Variants in CELF2 observed in about 807,000 individuals in gnomAD.
CELF2 encodes the protein CUG triplet repeat RNA-binding protein 2.
CELF2 carries 8 observed loss-of-function variants against 62.6 expected under a neutral mutation model. The observed-to-expected ratio is 0.13, with a 90% confidence interval of 0.07 to 0.23. The LOEUF (loss-of-function observed/expected upper bound fraction) is 0.23. Ranked by LOEUF, CELF2 falls within the 10% of genes least tolerant of loss-of-function variation. The probability of loss-of-function intolerance (pLI) is 1.00; values close to 1 mark genes in which losing one functional copy is unlikely to be tolerated. For missense variants in CELF2, 333 were observed against 671.0 expected (o/e 0.50, Z 5.56); for synonymous variants, 258 against 250.0 (o/e 1.03, Z -0.30).
chr10:10,768,565 C>A, the CELF2 span, among the ~76,000 whole-genome samples: 1 of 143,706 alleles, frequency 7.0e-6, no homozygotes, highest in African/African-American at 2.5e-5. Context: ...TTCTTTCTTT[C>A]TTTTTCTTTT....
the CELF2 span, among the ~76,000 whole-genome samples, chr10:10,693,663 C>T: frequency 2.6e-5 from 4 of 151,574 alleles, no homozygotes; most frequent in South Asian, 8.4e-4. Flanking sequence ...GGTTGGTAAG[C>T]TATTGATTAT....
At chr10:10,775,353 A>G in the CELF2 span, among the ~76,000 whole-genome samples, 1 of 152,072 alleles carries the variant, frequency 6.6e-6, no homozygotes, top group Non-Finnish European at 1.5e-5. Flanking sequence ...GATGGAGGCC[A>G]GGTGCGGTGG....
rs997621233 is a variant in CELF2 at position 10,928,581 on chromosome 10, T to C, written c.89+8582T>C. On this transcript the variant is annotated intron_variant, in intron 2 of 13. Transcript: ENST00000636488. The surrounding 1 kb of genome is among the most constrained non-coding windows in gnomAD (Gnocchi z 4.8). ...CTACAACATCACAGTTGAGTAGCTG[T>C]GGCAGAGACGGTATAGCCCCCAAAC... Among the ~76,000 whole-genome samples the C allele has an allele frequency of 2.0e-5, 3 of 152,212 alleles. No individual in the cohort carries two copies. Among genetic ancestry groups the C allele is most frequent in the African/African-American group, 7.2e-5 (3 of 41,452 alleles).
chr10:11,241,056 T>C (rs890975903), intron 3 of CELF2, among the ~76,000 whole-genome samples: 1 of 152,122 alleles, frequency 6.6e-6, no homozygotes, highest in Non-Finnish European at 1.5e-5. Context: ...CAAAATTCAG[T>C]TAATGACCAT....
At chr10:10,754,061 GTTTTTTT>G in the CELF2 span, among the ~76,000 whole-genome samples, 1 of 85,056 alleles carries the variant, frequency 1.2e-5, no homozygotes, top group Non-Finnish European at 2.2e-5. Flanking sequence ...TGCTGAGGTG[GTTTTTTT>G]TTTTTTTTTT....
At chr10:10,497,168 G>C in the CELF2 span, among the ~76,000 whole-genome samples, 2 of 143,568 alleles carry the variant, frequency 1.4e-5, no homozygotes, top group Admixed American at 7.3e-5. Context: ...TTGGGCGACA[G>C]AGCAACTGAA....
chr10:11,005,052 G>T, upstream of CELF2: 5 of 985,308 alleles, frequency 5.1e-6, no homozygotes, highest in Non-Finnish European at 6.0e-6. The surrounding 1 kb of genome is among the most constrained non-coding windows in gnomAD (Gnocchi z 4.3). Flanking sequence ...TTTAAAGATG[G>T]TAATTAGGAG....
chr10:11,055,356 C>T (rs1329423359), intron 1 of CELF2, among the ~76,000 whole-genome samples: 1 of 152,194 alleles, frequency 6.6e-6, no homozygotes, highest in Non-Finnish European at 1.5e-5. Flanking sequence ...ATCTGCATTT[C>T]ATGAACAGGA....
At chr10:10,949,280 C>T (rs758801922) in intron 2 of CELF2, among the ~76,000 whole-genome samples, 17 of 152,036 alleles carry the variant, frequency 1.1e-4, no homozygotes, top group Admixed American at 9.2e-4. Flanking sequence ...CTGCACTTTC[C>T]GGAGCAACGT....
intron 2 of CELF2, among the ~76,000 whole-genome samples, chr10:10,932,803 G>A (rs1200138237): frequency 2.0e-5 from 3 of 152,110 alleles, no homozygotes; most frequent in African/African-American, 4.8e-5. Flanking sequence ...AATATCATTG[G>A]AGGGAATATC....
At chr10:10,732,739 G>T in the CELF2 span, among the ~76,000 whole-genome samples, 9 of 152,064 alleles carry the variant, frequency 5.9e-5, no homozygotes, top group African/African-American at 2.2e-4. Context: ...GGCCAGGCTG[G>T]TCTTGAACTC....
chr10:11,147,637 C>G (rs886902142), intron 1 of CELF2, among the ~76,000 whole-genome samples: 2 of 152,142 alleles, frequency 1.3e-5, no homozygotes, highest in Non-Finnish European at 2.9e-5. Flanking sequence ...TTTGGTTCAG[C>G]GTTTCATAAT....
intron 4 of CELF2, among the ~76,000 whole-genome samples, chr10:11,256,665 TA>T (rs34123569): frequency 3.6e-4 from 35 of 96,660 alleles, no homozygotes; most frequent in African/African-American, 1.8e-3. Context: ...GTGATGTCCT[TA>T]AAAAAAAAAA....
chr10:10,643,900 T>C, the CELF2 span, among the ~76,000 whole-genome samples: 2 of 152,250 alleles, frequency 1.3e-5, no homozygotes, highest in African/African-American at 4.8e-5. Flanking sequence ...TAGTGGGTTA[T>C]AAATCGTAAC....
intron 1 of CELF2, among the ~76,000 whole-genome samples, chr10:10,884,984 C>T (rs2061664358): frequency 6.6e-6 from 1 of 152,150 alleles, no homozygotes; most frequent in South Asian, 2.1e-4. Flanking sequence ...TGGCTCATGC[C>T]TGTAATCCCA....
At chr10:10,501,989 A>G in the CELF2 span, among the ~76,000 whole-genome samples, 2 of 152,084 alleles carry the variant, frequency 1.3e-5, no homozygotes, top group African/African-American at 4.8e-5. Context: ...GTGATGGGCA[A>G]ATGCTTTTTC....
chr10:10,709,994 A>G, the CELF2 span, among the ~76,000 whole-genome samples: 3 of 152,230 alleles, frequency 2.0e-5, no homozygotes, highest in Non-Finnish European at 4.4e-5. Context: ...AACAAGACTA[A>G]GAATATATGC....
intron 1 of CELF2, among the ~76,000 whole-genome samples, chr10:11,118,709 ATGT>A (rs1564815669): frequency 6.6e-6 from 1 of 152,146 alleles, no homozygotes; most frequent in African/African-American, 2.4e-5. Flanking sequence ...TTGAAGAGAA[ATGT>A]TAAAGCAAAT....
At chr10:10,472,153 G>A in the CELF2 span, among the ~76,000 whole-genome samples, 1 of 151,714 alleles carries the variant, frequency 6.6e-6, no homozygotes, top group Non-Finnish European at 1.5e-5. Context: ...AAATTTGGGG[G>A]AAATTCTGTA....
Sources: gnomAD v4.1 joint callset for allele counts (sites outside exome capture counted in the v4.1 genomes callset) on GRCh38, gnomAD v4.1.1 for gene constraint, Gnocchi (gnomAD v3.1) non-coding constraint, MANE v1.5 for transcripts, NCBI Gene and HGNC (gene_info 2026-07-23, HGNC 2026-07-21) for gene names.